The following HELZ2 variants were observed in gnomAD, a reference collection of about 807,000 sequenced individuals.
The protein encoded by HELZ2 is helicase with zinc finger 2, also known as 3'-5' exoribonuclease HELZ2.
HELZ2 carries 143 observed loss-of-function variants against 208.8 expected under a neutral mutation model. The ratio of observed to expected loss-of-function variants is 0.68; its 90% CI spans 0.60 to 0.79. The LOEUF is 0.79. HELZ2 is among the 30% of genes least tolerant of loss of function. The probability of loss-of-function intolerance (pLI) is 0.00; values close to 1 mark genes in which losing one functional copy is unlikely to be tolerated. For missense variants in HELZ2, 3,690 were observed against 3,794.5 expected (o/e 0.97, Z 0.72); for synonymous variants, 1,705 against 1,693.7 (o/e 1.01, Z -0.16).
At chr20:63,561,024 G>C (rs6062969) in intron 14 of HELZ2, 58 bp downstream of exon 15, 20 of 1,596,074 alleles carry the variant, frequency 1.3e-5, no homozygotes, top group Non-Finnish European at 1.6e-5. Flanking sequence ...GGGCACCCCA[G>C]GTGGGAGACT....
intron 5 of HELZ2, 189 bp from the exon 7 acceptor site, chr20:63,567,816 G>A: frequency 2.2e-6 from 3 of 1,346,520 alleles, no homozygotes; most frequent in Non-Finnish European, 2.9e-6. Context: ...AGGGCTTCAG[G>A]CAACACCTGG....
chr20:63,565,531 A>G (rs310633), exon 8 of HELZ2: 1,505,432 of 1,606,184 alleles, frequency 0.94, 706,010 homozygotes, highest in East Asian at 1. Flanking sequence ...GCCTGGCGAC[A>G]GTGTCCAGCA....
At chr20:63,564,171 G>T (rs1223054468) in exon 8 of HELZ2, 2 of 1,611,766 alleles carry the variant, frequency 1.2e-6, no homozygotes, top group Admixed American at 1.7e-5. Context: ...CACCGCAGAG[G>T]CGTGACCGTC....
At chr20:63,567,433 C>A (rs569191240) in exon 6 of HELZ2, 3 of 1,563,264 alleles carry the variant, frequency 1.9e-6, no homozygotes, top group Non-Finnish European at 2.6e-6. Flanking sequence ...GACCACCACG[C>A]GGTGCCGCGC....
chr20:63,570,050 G>T, intron 3 of HELZ2: 1 of 413,304 alleles, frequency 2.4e-6, no homozygotes, highest in Non-Finnish European at 4.5e-6. Context: ...CTGGGTTCAA[G>T]TGATTTTCCT....
upstream of HELZ2, chr20:63,572,608 T>C: frequency 3.7e-6 from 2 of 534,320 alleles, no homozygotes; most frequent in South Asian, 2.7e-5. Flanking sequence ...GACAGATGCA[T>C]GGGGGACAGC....
chr20:63,570,356 G>C (rs946772816), intron 3 of HELZ2, 148 bp downstream of exon 4: 1 of 733,068 alleles, frequency 1.4e-6, no homozygotes, highest in Non-Finnish European at 2.5e-6. Context: ...GAGGCAGAGA[G>C]GCTAAGGGAC....
At chr20:63,561,516 G>T (rs759218639) in intron 12 of HELZ2, 50 bp from the exon 14 acceptor site, 2 of 1,576,604 alleles carry the variant, frequency 1.3e-6, no homozygotes, top group Non-Finnish European at 1.7e-6. Flanking sequence ...CATCACGGGG[G>T]CAGAGCTCAG....
rs2083022412 is a variant in HELZ2, at chr20:63,572,230, CT to C, written c.155del (p.Gln52ArgfsTer119). On this transcript the variant is annotated frameshift_variant, in exon 1 of 19. Coordinates refer to ENST00000467148, the Ensembl canonical transcript of HELZ2. LOFTEE classifies it high-confidence loss of function. ...ATGCGCAGTGGTTCTCGAAGGCCTC[CT>C]GAGAGTGGCAGGTGACCAAGCAGGC... The C allele has an allele frequency of 6.2e-7, 1 of 1,601,608 alleles. No individual in the cohort carries two copies. Among genetic ancestry groups the C allele is most frequent in the African/African-American group, 1.3e-5 (1 of 74,866 alleles).
chr20:63,564,481 G>C, exon 8 of HELZ2: 12 of 1,584,568 alleles, frequency 7.6e-6, no homozygotes, highest in Non-Finnish European at 1.0e-5. Flanking sequence ...GGACCACGGA[G>C]GGTGCAAAGC....
chr20:63,562,223 C>T lies in HELZ2; in HGVS notation c.6398-20G>A, dbSNP rs750698106. On this transcript the variant is annotated intron_variant, in intron 9 of 18. Transcript: ENST00000467148. ...GGATCACTGAGAGGGGGCAGCCTCCCTGAGCACTCATGCAGGGTGGGGCTG... is the reference window on the plus strand; with the variant it reads ...GGATCACTGAGAGGGGGCAGCCTCCTTGAGCACTCATGCAGGGTGGGGCTG... The T allele has an allele frequency of 1.9e-6, 3 of 1,610,666 alleles. No individual in the cohort carries two copies. Among genetic ancestry groups the T allele is most frequent in the African/African-American group, 2.7e-5 (2 of 74,874 alleles).
rs374352399 is a variant in HELZ2, at chr20:63,561,148, G to A, written c.7080C>T (p.Asp2360=). ...CAGGTTCCGTGGCCATGCCTGCCTC[G>A]TCAACAAGGATCTGCCTCACGTCCA... is the stretch of plus-strand genomic sequence containing the variant. The change falls in exon 14 of 19, where the codon GAC becomes GAT. Residue 2360 remains aspartate, a synonymous_variant. Coordinates refer to ENST00000467148, the Ensembl canonical transcript of HELZ2. The A allele has an allele frequency of 3.7e-5, 59 of 1,613,040 alleles. No individual in the cohort carries two copies. In the African/African-American group the frequency reaches 4.0e-4, roughly 11 times the overall value.
In HELZ2 at chr20:63,564,292, C is replaced by T. The variant is rs45625632; in HGVS notation, c.4530G>A (p.Pro1510=). ...GGAAGCCCAGGGTGCCGTCCTCGTC[C>T]GGCTGCTCATAGAAGCAGTCGGACC... The change falls in exon 8 of 19, where the codon CCG becomes CCA. Residue 1510 remains proline, a synonymous_variant. Coordinates refer to ENST00000467148, the Ensembl canonical transcript of HELZ2. 1.5e-3 allele frequency: 2,420 copies of T among 1,608,098 alleles called. 3 individuals carry two copies. Among genetic ancestry groups the T allele is most frequent in the Non-Finnish European group, 1.8e-3 (2,095 of 1,178,334 alleles).
rs764465526 is a variant in HELZ2, at chr20:63,559,950, GGCCC to G, written c.7799_7802del (p.Arg2600ProfsTer7). The G allele has an allele frequency of 1.9e-6, 3 of 1,611,270 alleles. No individual in the cohort carries two copies. The highest frequency in any genetic ancestry group is 1.1e-5 in the South Asian group (1 of 91,078). On this transcript the variant is annotated frameshift_variant, in exon 18 of 19. Coordinates refer to ENST00000467148, the Ensembl canonical transcript of HELZ2. LOFTEE classifies it low-confidence loss of function (END_TRUNC). ...CACCGATCAGGCAGAGCCCCTCCTG[GGCCC>G]GCGTGACAGCCACATTCACTTGGTT...
Position 63,570,362 on chromosome 20 carries a change from G to A in HELZ2, c.570+142C>T, listed in dbSNP as rs2083004831. ...GAGGAGACTGAGGCAGAGAGGCTAA[G>A]GGACCTGCTGCAGGTCACGCAGGTG... On this transcript the variant is annotated intron_variant, in intron 3 of 18. Coordinates refer to ENST00000467148, the Ensembl canonical transcript of HELZ2. The A allele has an allele frequency of 5.4e-6, 4 of 741,256 alleles. No homozygotes were observed. In the Admixed American group the frequency reaches 8.0e-5, roughly 15 times the overall value. The allele number at this position is 741,256 out of a possible 1,614,324, so 45.9% of individuals were successfully genotyped here. A position where few individuals can be genotyped will look rare whatever the true frequency, so the allele number is the denominator to read the frequency against.
Position 63,570,797 on chromosome 20 carries a change from C to CG in HELZ2, c.349dup (p.Arg117ProfsTer35). The CG allele has an allele frequency of 1.9e-6, 3 of 1,610,986 alleles. No individual in the cohort carries two copies. Among genetic ancestry groups the CG allele is most frequent in the Non-Finnish European group, 2.5e-6 (3 of 1,179,174 alleles). On this transcript the variant is annotated frameshift_variant, in exon 2 of 19. Coordinates refer to ENST00000467148, the Ensembl canonical transcript of HELZ2. LOFTEE classifies it high-confidence loss of function. ...CCGCAGCTCCACAGCCTGCGTGCGCCGGACCCACTCCTGCAGCTCCTGTGC... is the reference window on the plus strand; with the variant it reads ...CCGCAGCTCCACAGCCTGCGTGCGCCGGGACCCACTCCTGCAGCTCCTGTGC...
Position 63,562,949 on chromosome 20 carries a change from AC to A in HELZ2, c.5872del (p.Val1958LeufsTer12). 1 of 1,590,634 alleles carries A rather than the reference AC, an allele frequency of 6.3e-7. No individual in the cohort carries two copies. Among genetic ancestry groups the A allele is most frequent in the Non-Finnish European group, 8.6e-7 (1 of 1,169,292 alleles). ...AAGTGTGACGGAGTCATTCTCGGCAACCGCGCCGGTGGCCGACTCCAGGGCG... is the reference window on the plus strand; with the variant it reads ...AAGTGTGACGGAGTCATTCTCGGCAACGCGCCGGTGGCCGACTCCAGGGCG... On this transcript the variant is annotated frameshift_variant, in exon 8 of 19. Coordinates refer to ENST00000467148, the Ensembl canonical transcript of HELZ2. LOFTEE classifies it high-confidence loss of function.
At chr20:63,560,956 G>A (rs2082878958) in intron 14 of HELZ2, 27 bp from the exon 16 acceptor site, 2 of 1,608,248 alleles carry the variant, frequency 1.2e-6, no homozygotes, top group African/African-American at 2.7e-5. Flanking sequence ...GCCTGGCCCT[G>A]ACACCCCTAG....
exon 6 of HELZ2, chr20:63,567,172 T>A (rs917866898): frequency 6.2e-7 from 1 of 1,609,194 alleles, no homozygotes. Flanking sequence ...CGCCACCTCG[T>A]GAGTCTCCTG....
Sources: gnomAD v4.1 joint callset for allele counts on GRCh38, gnomAD v4.1.1 for gene constraint, MANE v1.5 for transcripts, NCBI Gene and HGNC (gene_info 2026-07-23, HGNC 2026-07-21) for gene names.